The following CDK8 variants were observed in gnomAD, a reference collection of about 807,000 sequenced individuals.
The protein encoded by CDK8 is cyclin-dependent kinase 8.
In CDK8, 29 loss-of-function variants were observed where a neutral mutation model predicts 71.5. That is an observed-to-expected ratio of 0.41 (90% CI 0.30 to 0.55). The LOEUF is 0.55. Among genes scored for constraint, CDK8 ranks in the 20% least tolerant of loss-of-function variants. The pLI is 0.37. For missense variants in CDK8, 288 were observed against 572.6 expected (o/e 0.50, Z 5.07); for synonymous variants, 161 against 192.1 (o/e 0.84, Z 1.34).
chr13:26,308,442 G>A (rs793128), intron 1 of CDK8, among the ~76,000 whole-genome samples: 144,166 of 152,342 alleles, frequency 0.95, 68,259 homozygotes, highest in East Asian at 1. Context: ...TTGGCCAAAT[G>A]CCAGACCCCT....
intron 6 of CDK8, among the ~76,000 whole-genome samples, chr13:26,389,143 C>A: frequency 6.6e-6 from 1 of 152,116 alleles, no homozygotes; most frequent in East Asian, 1.9e-4. Context: ...TTTGATCTCT[C>A]TAAATTCAAA....
chr13:26,288,611 AAC>A (rs903402903), intron 1 of CDK8, among the ~76,000 whole-genome samples: 3 of 151,794 alleles, frequency 2.0e-5, no homozygotes, highest in African/African-American at 7.3e-5. Flanking sequence ...CACACACATA[AAC>A]ACACTACTAG....
chr13:26,266,045 T>C lies in CDK8; in HGVS notation c.128+11276T>C, dbSNP rs186588994. 2.5e-3 allele frequency among the ~76,000 whole-genome samples: 374 copies of C among 151,888 alleles called. 2 individuals carry two copies. The highest frequency in any genetic ancestry group is 8.4e-3 in the African/African-American group (345 of 41,194). ...TGATAGGACTTGTTGATTTATTGGATATGATAGATGAACAAGTGAGAACCA... is the reference window on the plus strand; with the variant it reads ...TGATAGGACTTGTTGATTTATTGGACATGATAGATGAACAAGTGAGAACCA... On this transcript the variant is annotated intron_variant, in intron 1 of 12. Transcript: ENST00000381527.
intron 4 of CDK8, among the ~76,000 whole-genome samples, chr13:26,371,019 C>T (rs1019117089): frequency 7.2e-5 from 11 of 151,932 alleles, no homozygotes; most frequent in Non-Finnish European, 1.6e-4. Context: ...CAATTAGGGG[C>T]ATCTCATGGG....
chr13:26,355,616 A>G (rs1873863470), intron 4 of CDK8, among the ~76,000 whole-genome samples: 1 of 152,152 alleles, frequency 6.6e-6, no homozygotes, highest in Non-Finnish European at 1.5e-5. Context: ...TCCATCTCTA[A>G]AAAATAAAAG....
intron 7 of CDK8, 27 bp downstream of exon 7, chr13:26,393,537 T>G (rs1032140813): frequency 2.5e-6 from 4 of 1,609,226 alleles, no homozygotes; most frequent in Non-Finnish European, 1.7e-6. Flanking sequence ...TTTGTTTTTG[T>G]TTTTAAATCA....
intron 3 of CDK8, among the ~76,000 whole-genome samples, chr13:26,350,466 C>T (rs1873638578): frequency 6.6e-6 from 1 of 151,644 alleles, no homozygotes; most frequent in African/African-American, 2.4e-5. Context: ...AAGACCCTGT[C>T]TCTGCAAAAA....
At chr13:26,350,147 C>G (rs1873626846) in intron 3 of CDK8, among the ~76,000 whole-genome samples, 1 of 152,128 alleles carries the variant, frequency 6.6e-6, no homozygotes, top group Non-Finnish European at 1.5e-5. Flanking sequence ...GCAAAATTGC[C>G]TAACGACACA....
At chr13:26,403,922 C>A (rs750689491) in intron 12 of CDK8, 34 bp from the exon 13 acceptor site, 2 of 1,605,572 alleles carry the variant, frequency 1.2e-6, no homozygotes, top group Non-Finnish European at 1.7e-6. Context: ...CCTAGAAGCA[C>A]CTGAATCACA....
intron 1 of CDK8, among the ~76,000 whole-genome samples, chr13:26,311,056 T>C (rs936589387): frequency 3.2e-4 from 48 of 148,314 alleles, no homozygotes; most frequent in Admixed American, 3.1e-3. Context: ...TTTTTTTTTT[T>C]TTTGCCTTAG....
intron 1 of CDK8, among the ~76,000 whole-genome samples, chr13:26,258,488 G>GA (rs1225833899): frequency 1.4e-5 from 2 of 141,560 alleles, no homozygotes; most frequent in African/African-American, 3.0e-5. Context: ...TGTGTATCTA[G>GA]AGGGGTGTGT....
intron 1 of CDK8, among the ~76,000 whole-genome samples, chr13:26,285,009 T>C (rs1477475264): frequency 2.0e-5 from 3 of 151,140 alleles, no homozygotes; most frequent in African/African-American, 7.3e-5. Context: ...AAGGCTGATG[T>C]GGGTGGATCA....
intron 1 of CDK8, among the ~76,000 whole-genome samples, chr13:26,309,388 C>G (rs1331993437): frequency 6.6e-6 from 1 of 152,186 alleles, no homozygotes; most frequent in Non-Finnish European, 1.5e-5. Context: ...ATCCACCTGC[C>G]TCGGCCTCCC....
intron 4 of CDK8, among the ~76,000 whole-genome samples, chr13:26,382,149 A>G (rs949155740): frequency 6.6e-6 from 1 of 152,168 alleles, no homozygotes; most frequent in Admixed American, 6.5e-5. Context: ...TCATTAGTGT[A>G]GTAGATACCA....
At chr13:26,289,345 G>T (rs747320707) in intron 1 of CDK8, among the ~76,000 whole-genome samples, 1 of 152,080 alleles carries the variant, frequency 6.6e-6, no homozygotes, top group African/African-American at 2.4e-5. Flanking sequence ...GAGCCACTGC[G>T]CCCGGCCAGC....
intron 4 of CDK8, among the ~76,000 whole-genome samples, 185 bp downstream of exon 4, chr13:26,354,065 A>G (rs1268470766): frequency 6.6e-6 from 1 of 152,108 alleles, no homozygotes; most frequent in Admixed American, 6.5e-5. Context: ...TCTGACATAC[A>G]CTAGATGGTA....
In CDK8 at chr13:26,401,645, A is replaced by G; in HGVS notation, c.1269+21A>G. On this transcript the variant is annotated intron_variant, in intron 12 of 12. Transcript: ENST00000381527. The surrounding 1 kb of genome is among the most constrained non-coding windows in gnomAD (Gnocchi z 4.5). Reference sequence around the variant, plus strand: ...ATCAGGTATTCCAAGTTTATTTTGTATTGACTGCATGTCAGTGTTTACATA... The same window carrying G: ...ATCAGGTATTCCAAGTTTATTTTGTGTTGACTGCATGTCAGTGTTTACATA... 1.2e-6 allele frequency: 2 copies of G among 1,612,034 alleles called. No homozygotes were observed. The highest frequency in any genetic ancestry group is 1.7e-6 in the Non-Finnish European group (2 of 1,178,188).
At chr13:26,346,723 T>C (rs559149561) in intron 2 of CDK8, among the ~76,000 whole-genome samples, 4 of 152,368 alleles carry the variant, frequency 2.6e-5, no homozygotes, top group South Asian at 2.1e-4. Flanking sequence ...TAAAGTCTTA[T>C]AAGTTTGAAA....
At position 26,337,651 on chromosome 13, in the gene CDK8, A is replaced by G. The variant is rs774458872; in HGVS notation, c.204+9A>G. 7.3e-7 allele frequency: 1 copy of G among 1,365,812 alleles called. No homozygotes were observed. Among genetic ancestry groups the G allele is most frequent in the Non-Finnish European group, 9.7e-7 (1 of 1,030,500 alleles). The allele number at this position is 1,365,812 out of a possible 1,614,324, so 84.6% of individuals were successfully genotyped here. ...CATGTAGAGAAATAGCAGTAAGTGA[A>G]GTTCTTTTTATCATCGTTATTATCA... On this transcript the variant is annotated intron_variant, in intron 2 of 12. Coordinates refer to ENST00000381527, the MANE Select transcript of CDK8 (RefSeq NM_001260.3).
Sources: gnomAD v4.1 joint callset for allele counts (sites outside exome capture counted in the v4.1 genomes callset) on GRCh38, gnomAD v4.1.1 for gene constraint, Gnocchi (gnomAD v3.1) non-coding constraint, MANE v1.5 for transcripts, NCBI Gene and HGNC (gene_info 2026-07-23, HGNC 2026-07-21) for gene names.